The following NOS1 variants were observed in gnomAD, a reference collection of about 807,000 sequenced individuals.
NOS1 encodes nitric oxide synthase 1.
A neutral mutation model predicts 164.5 loss-of-function variants in NOS1; 51 were observed. That is an observed-to-expected ratio of 0.31 (90% CI 0.25 to 0.39). The LOEUF (loss-of-function observed/expected upper bound fraction) is 0.39, where lower values mean the gene tolerates loss of function less well. NOS1 is among the 10% of genes least tolerant of loss of function. NOS1 has a pLI of 1.00. For synonymous variants in NOS1, 719 were observed against 745.8 expected (o/e 0.96, Z 0.59); for missense variants, 1,362 against 1,885.6 (o/e 0.72, Z 5.14).
intron 21 of NOS1, 55 bp from the exon 22 acceptor site, chr12:117,232,186 C>T (rs762784372): frequency 1.3e-5 from 21 of 1,573,096 alleles, no homozygotes; most frequent in Middle Eastern, 2.3e-4. Context: ...GAGTCCAAGT[C>T]GGGGGTTCAG....
At chr12:117,300,525 G>A (rs868312347) in intron 3 of NOS1, among the ~76,000 whole-genome samples, 12 of 152,290 alleles carry the variant, frequency 7.9e-5, no homozygotes, top group Middle Eastern at 3.4e-3. Context: ...AGACCTGGGA[G>A]TCACTGAGCA....
intron 1 of NOS1, among the ~76,000 whole-genome samples, chr12:117,340,398 T>C (rs1417653657): frequency 6.6e-6 from 1 of 152,250 alleles, no homozygotes; most frequent in Admixed American, 6.5e-5. Context: ...CTTGGCTTTG[T>C]GATCGTGGGC....
At chr12:117,353,011 T>A (rs886741924) in intron 1 of NOS1, among the ~76,000 whole-genome samples, 3 of 152,142 alleles carry the variant, frequency 2.0e-5, no homozygotes, top group African/African-American at 4.8e-5. Flanking sequence ...CAGTCATCTA[T>A]CTATCCATCC....
chr12:117,225,375 G>A (rs1038665934), intron 24 of NOS1, among the ~76,000 whole-genome samples: 4 of 152,118 alleles, frequency 2.6e-5, no homozygotes, highest in Admixed American at 1.3e-4. Flanking sequence ...TCACTGCTGA[G>A]CTCAGCAAAT....
At chr12:117,292,655 T>G (rs1873138272) in intron 3 of NOS1, among the ~76,000 whole-genome samples, 1 of 152,232 alleles carries the variant, frequency 6.6e-6, no homozygotes, top group Non-Finnish European at 1.5e-5. Context: ...GCTAATAAGC[T>G]GAAGAAAGGA....
chr12:117,303,913 C>T (rs1206706402), intron 3 of NOS1, among the ~76,000 whole-genome samples: 1 of 152,200 alleles, frequency 6.6e-6, no homozygotes, highest in African/African-American at 2.4e-5. Flanking sequence ...GTGTTCACGC[C>T]TGTAATTCCA....
rs1017225621 is a variant in NOS1 at position 117,209,301 on chromosome 12, G to A, written c.*6008C>T. The A allele has an allele frequency of 3.8e-5, 36 of 954,080 alleles. No individual in the cohort carries two copies. The South Asian group carries it at 8.2e-4, about 22-fold the overall frequency. The allele number at this position is 954,080 out of a possible 1,614,324, so 59.1% of individuals were successfully genotyped here. On this transcript the variant is annotated 3_prime_UTR_variant, in exon 29 of 29. Transcript: ENST00000317775. ...GGCAGGACACTGCTACAGGTATCTTGTGGATGGAGGCCAGGAATGCTGCTC... is the reference window on the plus strand; with the variant it reads ...GGCAGGACACTGCTACAGGTATCTTATGGATGGAGGCCAGGAATGCTGCTC...
chr12:117,344,345 T>C (rs1876248669), intron 1 of NOS1, among the ~76,000 whole-genome samples: 1 of 152,252 alleles, frequency 6.6e-6, no homozygotes, highest in Non-Finnish European at 1.5e-5. Flanking sequence ...GGTTGAAATA[T>C]ATGAAATTAA....
chr12:117,231,966 C>T lies in NOS1; in HGVS notation c.3401G>A (p.Ser1134Asn). The T allele has an allele frequency of 6.2e-7, 1 of 1,611,878 alleles. No individual in the cohort carries two copies. Among genetic ancestry groups the T allele is most frequent in the Non-Finnish European group, 8.5e-7 (1 of 1,179,350 alleles). The change falls in exon 22 of 29, where the codon AGC (serine) becomes AAC (asparagine). Residue 1134 changes from serine to asparagine, a missense_variant. Coordinates refer to ENST00000317775, the MANE Select transcript of NOS1 (RefSeq NM_000620.5). ...EKEKQRLLVL[S>N]KGLQEYEEWK... ...GTGCGAAGCCTGGGGACCCACCTTG[C>T]TGAGGACCAGCAGACGCTGCTTCTC...
In NOS1 at chr12:117,322,238, C is replaced by T. The variant is rs1874989493; in HGVS notation, c.725+8107G>A. ...TCCCTCTTTCCTTCCTTCCCTTCCT[C>T]CCTCCTTCCTTCCCTCCCTCCTTTC... On this transcript the variant is annotated intron_variant, in intron 2 of 28. Transcript: ENST00000317775. Among the ~76,000 whole-genome samples, 2 of 140,206 alleles carry T rather than the reference C, an allele frequency of 1.4e-5. 1 individual carries two copies. The highest frequency in any genetic ancestry group is 5.2e-4 in the South Asian group (2 of 3,876). The allele number at this position is 140,206 out of a possible 152,430, so 92.0% of individuals were successfully genotyped here.
At chr12:117,302,129 C>G (rs1051276990) in intron 3 of NOS1, 21 of 456,402 alleles carry the variant, frequency 4.6e-5, no homozygotes, top group African/African-American at 4.0e-4. Context: ...TTCAATGAAG[C>G]CATGGACTTA....
chr12:117,358,076 G>A (rs3782221), intron 1 of NOS1, among the ~76,000 whole-genome samples: 38,722 of 152,112 alleles, frequency 0.25, 5,219 homozygotes, highest in East Asian at 0.51. Flanking sequence ...GAACCTGAGT[G>A]ACAGGCAACA....
intron 3 of NOS1, among the ~76,000 whole-genome samples, chr12:117,301,518 T>C (rs1043016749): frequency 2.6e-5 from 4 of 152,326 alleles, no homozygotes; most frequent in African/African-American, 9.6e-5. Context: ...TGAATCCTCA[T>C]GGTAACCCAT....
At chr12:117,321,082 T>A (rs1389169657) in intron 2 of NOS1, among the ~76,000 whole-genome samples, 2 of 152,212 alleles carry the variant, frequency 1.3e-5, no homozygotes, top group Non-Finnish European at 2.9e-5. Context: ...CGGTCTCGGC[T>A]CACGGCAGCC....
At chr12:117,242,856 G>A in intron 19 of NOS1, 151 bp from the exon 20 acceptor site, 1 of 672,010 alleles carries the variant, frequency 1.5e-6, no homozygotes, top group South Asian at 1.7e-5. Flanking sequence ...TTCAAGACCA[G>A]CCTGGGAAAC....
chr12:117,335,368 C>T (rs1483786484), intron 1 of NOS1, among the ~76,000 whole-genome samples: 1 of 152,164 alleles, frequency 6.6e-6, no homozygotes, highest in Non-Finnish European at 1.5e-5. Flanking sequence ...GGATTTTAAA[C>T]AAATCACATA....
intron 2 of NOS1, among the ~76,000 whole-genome samples, chr12:117,321,378 G>A (rs894686525): frequency 6.6e-6 from 1 of 152,170 alleles, no homozygotes; most frequent in African/African-American, 2.4e-5. Context: ...GAATTCCCAG[G>A]GCTGAGTACA....
chr12:117,329,500 T>C (rs758883643), intron 2 of NOS1, among the ~76,000 whole-genome samples: 2 of 152,056 alleles, frequency 1.3e-5, no homozygotes. Context: ...CTGGGGGCTG[T>C]AACGTCAGTG....
intron 2 of NOS1, among the ~76,000 whole-genome samples, chr12:117,315,415 T>G (rs1874627552): frequency 6.6e-6 from 1 of 152,178 alleles, no homozygotes; most frequent in Admixed American, 6.6e-5. Flanking sequence ...GATTTCACCA[T>G]GTTGACCAGC....
Sources: gnomAD v4.1 joint callset for allele counts (sites outside exome capture counted in the v4.1 genomes callset) on GRCh38, gnomAD v4.1.1 for gene constraint, MANE v1.5 for transcripts, NCBI Gene and HGNC (gene_info 2026-07-23, HGNC 2026-07-21) for gene names.